SMTNL2: variants seen among roughly 807,000 people sequenced by gnomAD.
SMTNL2 encodes smoothelin-like protein 2.
Under a neutral mutation model 44.1 loss-of-function variants are expected in SMTNL2, and 43 were observed. The observed-to-expected ratio is 0.98, with a 90% CI of 0.76 to 1.26. The LOEUF (loss-of-function observed/expected upper bound fraction) is 1.26. Ranked by LOEUF, SMTNL2 falls within the 50% of genes most tolerant of loss-of-function variation. The pLI is 0.00. For synonymous variants in SMTNL2, 317 were observed against 287.6 expected, an observed-to-expected ratio of 1.10 and a Z score of -1.03; for missense variants, 646 against 670.2, an observed-to-expected ratio of 0.96 and a Z score of 0.40.
Position 4,607,339 on chromosome 17 carries a change from T to C in SMTNL2, c.1260-22T>C. On this transcript the variant is annotated intron_variant, in intron 7 of 7. Transcript: ENST00000389313. This position sits in a 1 kb window ranked among gnomAD's most constrained non-coding sequence, Gnocchi z 4.7. ...TGGCTGATGGCTGGGACCACCGTTC[T>C]GACGGGGCTTGTGTGTTTCAGGAAT... 1.2e-6 allele frequency: 2 copies of C among 1,613,748 alleles called. No homozygotes were observed. Among genetic ancestry groups the C allele is most frequent in the Non-Finnish European group, 1.7e-6 (2 of 1,179,808 alleles).
chr17:4,599,214 T>C lies in SMTNL2; in HGVS notation c.1259+1891T>C, dbSNP rs546688272. Among the ~76,000 whole-genome samples, 10 of 152,312 alleles carry C rather than the reference T, an allele frequency of 6.6e-5. No individual in the cohort carries two copies. The East Asian group carries it at 1.7e-3, about 27-fold the overall frequency. ...AGCCCCCTGGGGTCACAAGAACTCC[T>C]TGTATACTTTAAAAGCCTTTCTGTC... On this transcript the variant is annotated intron_variant, in intron 7 of 7. Coordinates refer to ENST00000389313, the MANE Select transcript of SMTNL2 (RefSeq NM_001114974.2).
Position 4,593,038 on chromosome 17 carries a change from C to T in SMTNL2, c.597C>T (p.Ala199=), listed in dbSNP as rs144429632. The T allele has an allele frequency of 1.9e-6, 3 of 1,614,074 alleles. No homozygotes were observed. Among genetic ancestry groups the T allele is most frequent in the South Asian group, 2.2e-5 (2 of 91,084 alleles). Residue 199 remains alanine, a synonymous_variant, in exon 3 of 8, where the codon GCC becomes GCT. Coordinates refer to ENST00000389313, the MANE Select transcript of SMTNL2 (RefSeq NM_001114974.2). ...SLRLPHQPVT[A]ITRVSDRFSG... ...GGCTGCCCCACCAGCCAGTCACGGC[C>T]ATCACCCGAGTCTCTGACAGGTTCT... is the stretch of plus-strand genomic sequence containing the variant.
intron 1 of SMTNL2, among the ~76,000 whole-genome samples, chr17:4,591,915 C>T (rs2127225): frequency 0.71 from 108,719 of 152,140 alleles, 39,821 homozygotes; most frequent in African/African-American, 0.87. Flanking sequence ...ATCAGGGCTC[C>T]GTAGCTCATC....
intron 1 of SMTNL2, among the ~76,000 whole-genome samples, chr17:4,589,181 G>A: frequency 6.6e-6 from 1 of 152,146 alleles, no homozygotes; most frequent in East Asian, 1.9e-4. Context: ...GGTCCCCTGG[G>A]GCATCATGGG....
At position 4,595,127 on chromosome 17, in the gene SMTNL2, C is replaced by T. The variant is rs575143635; in HGVS notation, c.807-18C>T. ...TGGCTGCTGGGCCCAGGTCCCAACT[C>T]GGCGATTCTTTCCTCAGCCCACCGC... On this transcript the variant is annotated intron_variant, in intron 4 of 7. Coordinates refer to ENST00000389313, the MANE Select transcript of SMTNL2 (RefSeq NM_001114974.2). The surrounding 1 kb of genome is among the most constrained non-coding windows in gnomAD (Gnocchi z 5.1). 1.3e-4 allele frequency: 216 copies of T among 1,613,002 alleles called. No individual in the cohort carries two copies. The South Asian group carries it at 1.8e-3, about 14-fold the overall frequency.
Position 4,600,988 on chromosome 17 carries a change from C to T in SMTNL2, c.1259+3665C>T, listed in dbSNP as rs1377083630. 6.6e-6 allele frequency among the ~76,000 whole-genome samples: 1 copy of T among 152,244 alleles called. No individual in the cohort carries two copies. The highest frequency in any genetic ancestry group is 6.5e-5 in the Admixed American group (1 of 15,284). On this transcript the variant is annotated intron_variant, in intron 7 of 7. Transcript: ENST00000389313. The surrounding 1 kb of genome is among the most constrained non-coding windows in gnomAD (Gnocchi z 4.7). ...AATAAAAATAACCCCCAAGCCCATC[C>T]TCCAGCTCCCTTACAGGACAGCCCT...
Position 4,605,165 on chromosome 17 carries a change from T to TTTG in SMTNL2, c.1260-2194_1260-2193insGTT, listed in dbSNP as rs1555547548. On this transcript the variant is annotated intron_variant, in intron 7 of 7. Coordinates refer to ENST00000389313, the MANE Select transcript of SMTNL2 (RefSeq NM_001114974.2). ...ACTTTTTTGTTTGGTTTTTTTTTTT[T>TTTG]TTTTTTTTTTTTTTGAGGCAGGGTC... 8.3e-4 allele frequency among the ~76,000 whole-genome samples: 114 copies of TTTG among 138,092 alleles called. 1 individual carries two copies. The highest frequency in any genetic ancestry group is 2.3e-3 in the African/African-American group (84 of 36,094). The allele number at this position is 138,092 out of a possible 152,430, so 90.6% of individuals were successfully genotyped here. A position where few individuals can be genotyped will look rare whatever the true frequency, so the allele number is the denominator to read the frequency against.
At chr17:4,606,021 C>T (rs576489827) in intron 7 of SMTNL2, among the ~76,000 whole-genome samples, 1 of 152,288 alleles carries the variant, frequency 6.6e-6, no homozygotes, top group South Asian at 2.1e-4. Flanking sequence ...AGTGTACACA[C>T]GAGTCTAAAC....
At chr17:4,588,947 A>G (rs1211432312) in intron 1 of SMTNL2, among the ~76,000 whole-genome samples, 1 of 152,072 alleles carries the variant, frequency 6.6e-6, no homozygotes, top group Non-Finnish European at 1.5e-5. Flanking sequence ...GGGTTGGAGG[A>G]TGGTCTCAGA....
chr17:4,601,311 A>T (rs1910019846), intron 7 of SMTNL2, among the ~76,000 whole-genome samples: 1 of 151,940 alleles, frequency 6.6e-6, no homozygotes, highest in Admixed American at 6.6e-5. Context: ...GCTACTTGGG[A>T]GGCTGAAGTG....
At chr17:4,602,311 CTTTTTTTTTTTTTTTTTT>C (rs35927212) in intron 7 of SMTNL2, among the ~76,000 whole-genome samples, 2 of 43,730 alleles carry the variant, frequency 4.6e-5, no homozygotes, top group Non-Finnish European at 3.8e-5. Flanking sequence ...AAGGCAGGTG[CTTTTTTTTTTTTTTTTTT>C]TTTTTTTTTT....
Position 4,595,080 on chromosome 17 carries a change from TTGGGGCC to T in SMTNL2, c.807-61_807-55del. 1 of 1,608,984 alleles carries T rather than the reference TTGGGGCC, an allele frequency of 6.2e-7. No homozygotes were observed. The highest frequency in any genetic ancestry group is 1.1e-5 in the South Asian group (1 of 90,798). On this transcript the variant is annotated intron_variant, in intron 4 of 7. Transcript: ENST00000389313. The surrounding 1 kb of genome is among the most constrained non-coding windows in gnomAD (Gnocchi z 5.1). ...GTCCACACTCAGTGCAATGGAGACCTTGGGGCCTGGTGAGCTAGTGATGGCTGCTGGG... is the reference window on the plus strand; with the variant it reads ...GTCCACACTCAGTGCAATGGAGACCTTGGTGAGCTAGTGATGGCTGCTGGG...
rs1323654834 is a variant in SMTNL2 at position 4,584,827 on chromosome 17, C to A, written c.222C>A (p.Leu74=). 1 of 1,327,302 alleles carries A rather than the reference C, an allele frequency of 7.5e-7. No homozygotes were observed. 82.2% of individuals were successfully genotyped at this position (1,327,302 alleles called of 1,614,324 possible). A position where few individuals can be genotyped will look rare whatever the true frequency, so the allele number is the denominator to read the frequency against. The change falls in exon 1 of 8, where the codon CTC becomes CTA. Residue 74 remains leucine (L), a synonymous_variant. Coordinates refer to ENST00000389313, the MANE Select transcript of SMTNL2 (RefSeq NM_001114974.2). ...QRDNQRLQAQ[L]ERLTRQVEAL... ...ACAACCAGCGGCTGCAGGCGCAGCT[C>A]GAGCGCCTGACGCGCCAGGTGGAGG...
In SMTNL2 at chr17:4,600,835, C is replaced by T. The variant is rs555832186; in HGVS notation, c.1259+3512C>T. Among the ~76,000 whole-genome samples, 12 of 152,318 alleles carry T rather than the reference C, an allele frequency of 7.9e-5. No homozygotes were observed. Among genetic ancestry groups the T allele is most frequent in the African/African-American group, 2.6e-4 (11 of 41,564 alleles). Reference sequence around the variant, plus strand: ...CCCTGCGGGGAATGTGTCCTGCTCTCGGGTTACGCTGGAGCAGAAGGGCCT... The same window carrying T: ...CCCTGCGGGGAATGTGTCCTGCTCTTGGGTTACGCTGGAGCAGAAGGGCCT... On this transcript the variant is annotated intron_variant, in intron 7 of 7. Coordinates refer to ENST00000389313, the MANE Select transcript of SMTNL2 (RefSeq NM_001114974.2). This position sits in a 1 kb window ranked among gnomAD's most constrained non-coding sequence, Gnocchi z 4.7.
At position 4,595,371 on chromosome 17, in the gene SMTNL2, C is replaced by T. The variant is rs1481443974; in HGVS notation, c.989+44C>T. 6.3e-7 allele frequency: 1 copy of T among 1,592,768 alleles called. No individual in the cohort carries two copies. The highest frequency in any genetic ancestry group is 8.6e-7 in the Non-Finnish European group (1 of 1,168,150). On this transcript the variant is annotated intron_variant, in intron 5 of 7. Transcript: ENST00000389313. The surrounding 1 kb of genome is among the most constrained non-coding windows in gnomAD (Gnocchi z 5.1). ...AGACAGGCCCGGCCCCACGGTGTGC[C>T]CAGACCCAGACGGGGCTTGGGTGGG...
intron 1 of SMTNL2, among the ~76,000 whole-genome samples, chr17:4,590,996 A>T (rs1014562971): frequency 2.6e-5 from 4 of 152,170 alleles, no homozygotes; most frequent in African/African-American, 4.8e-5. Flanking sequence ...TCTCTGCAAA[A>T]GCAGACACTA....
intron 3 of SMTNL2, 81 bp downstream of exon 3, chr17:4,593,252 CG>C: frequency 6.7e-7 from 1 of 1,490,002 alleles, no homozygotes. Flanking sequence ...GAGAGGGAGT[CG>C]GTGGGTGACA....
intron 7 of SMTNL2, among the ~76,000 whole-genome samples, chr17:4,606,741 C>G (rs1208177924): frequency 1.3e-5 from 2 of 151,602 alleles, no homozygotes; most frequent in Non-Finnish European, 2.9e-5. Flanking sequence ...CTTGTCTCTA[C>G]TAAAAATACA....
At position 4,597,152 on chromosome 17, in the gene SMTNL2, C is replaced by T; in HGVS notation, c.1108-20C>T. ...GTGCCCAGCTGCCCTCCCGCACTGA[C>T]CCCACTCACCCTGTTGCAGCACGTG... On this transcript the variant is annotated intron_variant, in intron 6 of 7. Transcript: ENST00000389313. 3.1e-6 allele frequency: 5 copies of T among 1,610,056 alleles called. No individual in the cohort carries two copies. Among genetic ancestry groups the T allele is most frequent in the Non-Finnish European group, 4.2e-6 (5 of 1,178,242 alleles).
Sources: allele counts gnomAD v4.1 joint callset (sites outside exome capture counted in the v4.1 genomes callset), GRCh38; gene constraint gnomAD v4.1.1; non-coding constraint Gnocchi (gnomAD v3.1); transcripts MANE v1.5; gene names NCBI Gene and HGNC (gene_info 2026-07-23, HGNC 2026-07-21).